DUS2: variants seen among roughly 807,000 people sequenced by gnomAD.
The protein encoded by DUS2 is tRNA-dihydrouridine(20) synthase [NAD(P)+]-like.
Under a neutral mutation model 71.3 loss-of-function variants are expected in DUS2, and 52 were observed. The ratio of observed to expected loss-of-function variants is 0.73; its 90% CI spans 0.58 to 0.92. The LOEUF (loss-of-function observed/expected upper bound fraction) is 0.92. DUS2 is among the 40% of genes least tolerant of loss of function. DUS2 has a pLI of 0.00. For missense variants in DUS2, 558 were observed against 622.6 expected (o/e 0.90, Z 1.10); for synonymous variants, 204 against 227.8 (o/e 0.90, Z 0.94).
intron 2 of DUS2, among the ~76,000 whole-genome samples, chr16:68,028,361 C>T (rs775269339): frequency 1.3e-4 from 20 of 152,088 alleles, no homozygotes; most frequent in South Asian, 4.2e-4. Flanking sequence ...AGAGGCCAGG[C>T]GCGGTGGCTC....
intron 14 of DUS2, 34 bp from the exon 15 acceptor site, chr16:68,076,598 G>A (rs1051396829): frequency 3.9e-6 from 6 of 1,552,568 alleles, no homozygotes; most frequent in Non-Finnish European, 5.3e-6. Flanking sequence ...CGGTGATGGT[G>A]GGTGACCCCA....
rs371010915 is a variant in DUS2, at chr16:68,066,408, G to A, written c.483+26G>A. The A allele has an allele frequency of 4.3e-6, 7 of 1,610,914 alleles. No homozygotes were observed. The African/African-American group carries it at 5.3e-5, about 12-fold the overall frequency. On this transcript the variant is annotated intron_variant, in intron 9 of 16. Coordinates refer to ENST00000565263, the MANE Select transcript of DUS2 (RefSeq NM_017803.5). Reference sequence around the variant, plus strand: ...GTAAGGATGGTGTGTTACATATGAAGGTCCATTCTCTCTGGTGATGTTGGA... The same window carrying A: ...GTAAGGATGGTGTGTTACATATGAAAGTCCATTCTCTCTGGTGATGTTGGA...
At chr16:68,029,388 T>C (rs772063887) in intron 2 of DUS2, among the ~76,000 whole-genome samples, 1 of 152,096 alleles carries the variant, frequency 6.6e-6, no homozygotes, top group Non-Finnish European at 1.5e-5. Context: ...AATGATCCTC[T>C]TGCCTCAACC....
intron 7 of DUS2, among the ~76,000 whole-genome samples, chr16:68,059,451 G>A (rs1483194010): frequency 6.6e-6 from 1 of 152,188 alleles, no homozygotes; most frequent in African/African-American, 2.4e-5. Context: ...GGAAGGGCTG[G>A]ATACGTGTGA....
At position 68,074,032 on chromosome 16, in the gene DUS2, A is replaced by G. The variant is rs1275076744; in HGVS notation, c.811-2A>G. The G allele has an allele frequency of 1.2e-6, 2 of 1,613,818 alleles. No homozygotes were observed. Among genetic ancestry groups the G allele is most frequent in the Non-Finnish European group, 1.7e-6 (2 of 1,179,882 alleles). Reference sequence around the variant, plus strand: ...CATCAGGCAAGTCATTTCTTTTCTCAGGCGGTGCAGTATGACAACCACTAC... The same window carrying G: ...CATCAGGCAAGTCATTTCTTTTCTCGGGCGGTGCAGTATGACAACCACTAC... On this transcript the variant is annotated splice_acceptor_variant, in intron 12 of 16. Coordinates refer to ENST00000565263, the MANE Select transcript of DUS2 (RefSeq NM_017803.5). LOFTEE classifies it high-confidence loss of function.
intron 16 of DUS2, 24 bp downstream of exon 16, chr16:68,078,542 G>C: frequency 6.2e-7 from 1 of 1,610,328 alleles, no homozygotes; most frequent in Non-Finnish European, 8.5e-7. Flanking sequence ...TCATAGGAGA[G>C]GAGGCTTGGG....
intron 1 of DUS2, among the ~76,000 whole-genome samples, chr16:68,024,668 A>G (rs1374299634): frequency 6.6e-6 from 1 of 152,200 alleles, no homozygotes; most frequent in Non-Finnish European, 1.5e-5. Flanking sequence ...CAGATAAATC[A>G]GAGGAAGAGA....
At position 68,037,939 on chromosome 16, in the gene DUS2, G is replaced by A. The variant is rs1053808455; in HGVS notation, c.-18-67G>A. The A allele has an allele frequency of 2.7e-6, 4 of 1,508,924 alleles. No homozygotes were observed. In the African/African-American group the frequency reaches 5.6e-5, roughly 21 times the overall value. 93.5% of individuals were successfully genotyped at this position (1,508,924 alleles called of 1,614,324 possible). ...CTGGAACCTTGAAGAAGGGAAGCCT[G>A]CTCTTGATAACAGGAGAGATTTTCT... On this transcript the variant is annotated intron_variant, in intron 2 of 16. Coordinates refer to ENST00000565263, the MANE Select transcript of DUS2 (RefSeq NM_017803.5).
At chr16:68,066,828 T>A (rs1188511577) in intron 10 of DUS2, among the ~76,000 whole-genome samples, 192 bp downstream of exon 10, 1 of 152,168 alleles carries the variant, frequency 6.6e-6, no homozygotes, top group African/African-American at 2.4e-5. Context: ...CATTTGCCTT[T>A]CTTTCATTCA....
intron 3 of DUS2, among the ~76,000 whole-genome samples, chr16:68,038,622 C>T (rs1055916389): frequency 2.7e-5 from 4 of 149,726 alleles, no homozygotes; most frequent in African/African-American, 9.9e-5. Context: ...CCCAGCTACT[C>T]GGGAGGGTGA....
intron 14 of DUS2, 54 bp downstream of exon 14, chr16:68,075,558 C>T: frequency 6.5e-7 from 1 of 1,544,640 alleles, no homozygotes; most frequent in East Asian, 2.3e-5. Context: ...CTTGGGGTCC[C>T]ACTGGGCCAG....
At chr16:68,050,579 C>T (rs1042983923) in intron 4 of DUS2, among the ~76,000 whole-genome samples, 2 of 152,076 alleles carry the variant, frequency 1.3e-5, no homozygotes, top group Admixed American at 1.3e-4. Context: ...TTTTTCTATA[C>T]ATATAGTAAA....
chr16:68,070,497 T>G (rs2034068717), intron 11 of DUS2, among the ~76,000 whole-genome samples: 1 of 152,174 alleles, frequency 6.6e-6, no homozygotes, highest in African/African-American at 2.4e-5. Flanking sequence ...GGGGAAAGTA[T>G]GACCTAACTG....
chr16:68,050,256 G>A (rs896666879), intron 4 of DUS2, among the ~76,000 whole-genome samples: 1 of 152,010 alleles, frequency 6.6e-6, no homozygotes, highest in Non-Finnish European at 1.5e-5. Flanking sequence ...TCCTGCCTCA[G>A]CCTCCCGAGT....
Position 68,054,626 on chromosome 16 carries a change from A to G in DUS2, c.308+9A>G. On this transcript the variant is annotated intron_variant, in intron 6 of 16. Coordinates refer to ENST00000565263, the MANE Select transcript of DUS2 (RefSeq NM_017803.5). ...GCTGTGGCCAGGCTTGTGTAAGTTC[A>G]TCCTCTGTCTTTAGCACTGCCTTTG... 1 of 1,614,124 alleles carries G rather than the reference A, an allele frequency of 6.2e-7. No homozygotes were observed. The highest frequency in any genetic ancestry group is 1.1e-5 in the South Asian group (1 of 91,076).
At chr16:68,062,555 T>C (rs1403402058) in intron 8 of DUS2, among the ~76,000 whole-genome samples, 1 of 151,068 alleles carries the variant, frequency 6.6e-6, no homozygotes, top group Non-Finnish European at 1.5e-5. Flanking sequence ...CAGTCTCTAC[T>C]AAAAATACAA....
At chr16:68,075,076 C>T (rs2034138545) in intron 13 of DUS2, among the ~76,000 whole-genome samples, 1 of 152,204 alleles carries the variant, frequency 6.6e-6, no homozygotes, top group Admixed American at 6.5e-5. Flanking sequence ...TGCTTCCCCT[C>T]AGGAGAGAGG....
intron 2 of DUS2, among the ~76,000 whole-genome samples, chr16:68,037,167 G>GTTTTTTTTTTTT (rs746737842): frequency 2.2e-5 from 3 of 136,258 alleles, no homozygotes; most frequent in Non-Finnish European, 3.2e-5. Flanking sequence ...ATTTTTGTCT[G>GTTTTTTTTTTTT]TTTTTTTTTT....
intron 3 of DUS2, among the ~76,000 whole-genome samples, chr16:68,046,322 T>A (rs1316422280): frequency 6.6e-6 from 1 of 152,232 alleles, no homozygotes; most frequent in African/African-American, 2.4e-5. Context: ...CTGTGTTAAT[T>A]TGCTTAGGAT....
Sources: allele counts gnomAD v4.1 joint callset (sites outside exome capture counted in the v4.1 genomes callset), GRCh38; gene constraint gnomAD v4.1.1; transcripts MANE v1.5; gene names NCBI Gene and HGNC (gene_info 2026-07-23, HGNC 2026-07-21).